Variants in SERPINI1 observed in about 807,000 individuals in gnomAD.
The protein encoded by SERPINI1 is serpin family I member 1.
In SERPINI1, 19 loss-of-function variants were observed where a neutral mutation model predicts 41.1. The ratio of observed to expected loss-of-function variants is 0.46; its 90% CI spans 0.32 to 0.68. The LOEUF (loss-of-function observed/expected upper bound fraction) is 0.68, where lower values mean the gene tolerates loss of function less well. Ranked by LOEUF, SERPINI1 falls within the 30% of genes least tolerant of loss-of-function variation. The probability of loss-of-function intolerance (pLI) is 0.03; values close to 1 mark genes in which losing one functional copy is unlikely to be tolerated. For synonymous variants in SERPINI1, 138 were observed against 156.6 expected, an observed-to-expected ratio of 0.88 and a Z score of 0.89; for missense variants, 460 against 479.2, an observed-to-expected ratio of 0.96 and a Z score of 0.37.
chr3:167,738,445 A>G (rs543374399), intron 1 of SERPINI1, among the ~76,000 whole-genome samples: 52 of 152,276 alleles, frequency 3.4e-4, no homozygotes, highest in African/African-American at 1.2e-3. Context: ...AGCAAGACTT[A>G]AAGGTTCAAG....
intron 6 of SERPINI1, among the ~76,000 whole-genome samples, chr3:167,808,034 T>C (rs2420040): frequency 0.35 from 53,479 of 151,362 alleles, 10,641 homozygotes; most frequent in African/African-American, 0.54. Context: ...AGGAGAATTG[T>C]TTGAACCCAG....
At chr3:167,762,769 G>T (rs539081594) in intron 1 of SERPINI1, among the ~76,000 whole-genome samples, 6 of 151,702 alleles carry the variant, frequency 4.0e-5, no homozygotes, top group Non-Finnish European at 8.8e-5. Context: ...CTTTCACTGA[G>T]GTTTTTTTTT....
At chr3:167,771,921 T>G (rs535956898) in intron 1 of SERPINI1, among the ~76,000 whole-genome samples, 2 of 152,366 alleles carry the variant, frequency 1.3e-5, no homozygotes, top group African/African-American at 4.8e-5. Context: ...TGCATTAAAT[T>G]AACAGAAGTG....
intron 1 of SERPINI1, among the ~76,000 whole-genome samples, chr3:167,753,862 A>G (rs1429819086): frequency 6.6e-6 from 1 of 152,240 alleles, no homozygotes; most frequent in African/African-American, 2.4e-5. Context: ...ATAATTATAT[A>G]GTGATGCTAC....
chr3:167,767,725 C>T (rs879668634), intron 1 of SERPINI1, among the ~76,000 whole-genome samples: 38 of 152,068 alleles, frequency 2.5e-4, no homozygotes, highest in Admixed American at 3.9e-4. Context: ...TTGATTCCAA[C>T]CCTCATGGAT....
chr3:167,783,478 C>A (rs1209905082), intron 1 of SERPINI1, among the ~76,000 whole-genome samples: 1 of 151,932 alleles, frequency 6.6e-6, no homozygotes, highest in Admixed American at 6.6e-5. Flanking sequence ...AAAAATGAAG[C>A]CAGAGCTATA....
At chr3:167,772,442 C>A (rs1203286495) in intron 1 of SERPINI1, among the ~76,000 whole-genome samples, 1 of 152,102 alleles carries the variant, frequency 6.6e-6, no homozygotes, top group Admixed American at 6.5e-5. Flanking sequence ...TTGCACTTAC[C>A]TCAAGTTGAG....
chr3:167,807,384 A>C (rs775581404), intron 6 of SERPINI1, 43 bp downstream of exon 6: 1 of 1,238,102 alleles, frequency 8.1e-7, no homozygotes, highest in Non-Finnish European at 1.2e-6. Flanking sequence ...ATTCCATAAG[A>C]GCTTTATTAA....
chr3:167,793,596 A>ATATATATATATATATATTTTTTTTTT, intron 4 of SERPINI1, among the ~76,000 whole-genome samples: 7 of 140,604 alleles, frequency 5.0e-5, no homozygotes, highest in African/African-American at 1.9e-4. Context: ...ATATATATAT[A>ATATATATATATATATATTTTTTTTTT]TTTTTAATTA....
chr3:167,792,362 C>T (rs868425466), intron 3 of SERPINI1, among the ~76,000 whole-genome samples: 106 of 114,702 alleles, frequency 9.2e-4, no homozygotes, highest in Non-Finnish European at 1.1e-3. Flanking sequence ...TATATATATA[C>T]ACACATATAT....
rs1418988398 is a variant in SERPINI1, at chr3:167,825,422, A to C, written c.*99A>C. 5.2e-6 allele frequency: 4 copies of C among 765,164 alleles called. No homozygotes were observed. Among genetic ancestry groups the C allele is most frequent in the Non-Finnish European group, 9.3e-6 (4 of 431,884 alleles). 47.4% of individuals were successfully genotyped at this position (765,164 alleles called of 1,614,324 possible). A position where few individuals can be genotyped will look rare whatever the true frequency, so the allele number is the denominator to read the frequency against. On this transcript the variant is annotated 3_prime_UTR_variant, in exon 9 of 9. Coordinates refer to ENST00000446050, the MANE Select transcript of SERPINI1 (RefSeq NM_001122752.2). ...TGTGTTTTACAGTATATCTTAAGAT[A>C]ATATTTAAAATAGTTCCAGATAAAA...
At chr3:167,796,186 T>C (rs2108560751) in intron 5 of SERPINI1, among the ~76,000 whole-genome samples, 1 of 152,076 alleles carries the variant, frequency 6.6e-6, no homozygotes, top group Middle Eastern at 3.4e-3. Flanking sequence ...GTTATGTAAG[T>C]GAAGGAGATC....
At chr3:167,778,036 C>G (rs2108549942) in intron 1 of SERPINI1, among the ~76,000 whole-genome samples, 1 of 152,304 alleles carries the variant, frequency 6.6e-6, no homozygotes, top group Non-Finnish European at 1.5e-5. Context: ...ATGCTGGTGC[C>G]ATGCTCTTGG....
Position 167,789,295 on chromosome 3 carries a change from C to T in SERPINI1, c.167C>T (p.Ala56Val). The part of the protein sequence containing the change: ...ILFSPLSIAL[A>V]MGMMELGAQG... ...TTCTCTCCATTGAGTATTGCTCTTGCAATGGGAATGATGGAACTTGGGGCC... is the reference window on the plus strand; with the variant it reads ...TTCTCTCCATTGAGTATTGCTCTTGTAATGGGAATGATGGAACTTGGGGCC... The change falls in exon 2 of 9, where the codon GCA becomes GTA. Residue 56 changes from alanine (A) to valine (V), a missense_variant. Coordinates refer to ENST00000446050, the MANE Select transcript of SERPINI1 (RefSeq NM_001122752.2). The T allele has an allele frequency of 4.3e-6, 7 of 1,614,106 alleles. No individual in the cohort carries two copies. The highest frequency in any genetic ancestry group is 5.9e-6 in the Non-Finnish European group (7 of 1,179,986).
intron 5 of SERPINI1, among the ~76,000 whole-genome samples, chr3:167,801,251 G>C (rs549761843): frequency 2.4e-4 from 36 of 152,294 alleles, no homozygotes; most frequent in African/African-American, 8.4e-4. Context: ...TTGTTCTGCA[G>C]GTCTTCAAAC....
chr3:167,760,459 C>T (rs1385605841), intron 1 of SERPINI1, among the ~76,000 whole-genome samples: 3 of 151,874 alleles, frequency 2.0e-5, no homozygotes, highest in African/African-American at 7.3e-5. Context: ...CATATAACCT[C>T]CAATCCTCTG....
intron 1 of SERPINI1, among the ~76,000 whole-genome samples, chr3:167,736,411 A>C (rs781249660): frequency 3.3e-5 from 5 of 152,250 alleles, no homozygotes; most frequent in Non-Finnish European, 7.3e-5. Context: ...GCCAGCAATA[A>C]TGTAAAAATG....
At chr3:167,803,284 A>AAAAT (rs3061436) in intron 5 of SERPINI1, among the ~76,000 whole-genome samples, 49,942 of 147,500 alleles carry the variant, frequency 0.34, 8,921 homozygotes, top group African/African-American at 0.42. Flanking sequence ...AATAATAATA[A>AAAAT]AAATAAATAA....
chr3:167,770,360 A>G (rs1408580067), intron 1 of SERPINI1, among the ~76,000 whole-genome samples: 1 of 152,080 alleles, frequency 6.6e-6, no homozygotes, highest in Non-Finnish European at 1.5e-5. Context: ...TTCTCCCAAC[A>G]CAAGTTATTA....
Sources: gnomAD v4.1 joint callset for allele counts (sites outside exome capture counted in the v4.1 genomes callset) on GRCh38, gnomAD v4.1.1 for gene constraint, MANE v1.5 for transcripts, NCBI Gene and HGNC (gene_info 2026-07-23, HGNC 2026-07-21) for gene names.